The following ZC3H10 variants were observed in gnomAD, a reference collection of about 807,000 sequenced individuals.
The protein encoded by ZC3H10 is zinc finger CCCH-type containing 10.
In ZC3H10, 12 loss-of-function variants were observed where a neutral mutation model predicts 24.3. The ratio of observed to expected loss-of-function variants is 0.49; its 90% CI spans 0.32 to 0.80. The LOEUF is 0.80. Among genes scored for constraint, ZC3H10 ranks in the 30% least tolerant of loss-of-function variants. The pLI is 0.04. For synonymous variants in ZC3H10, 226 were observed against 217.0 expected (o/e 1.04, Z -0.36); for missense variants, 360 against 576.3 (o/e 0.62, Z 3.84).
At chr12:56,120,395 T>C (rs1869772876) in intron 2 of ZC3H10, 116 bp from the exon 3 acceptor site, 5 of 1,356,330 alleles carry the variant, frequency 3.7e-6, no homozygotes, top group Non-Finnish European at 2.8e-6. Flanking sequence ...AGAATTCTTA[T>C]CCCTTAGATT....
At position 56,120,543 on chromosome 12, in the gene ZC3H10, C is replaced by CT. The variant is rs1243226977; in HGVS notation, c.-19dup. ...CAAGAGTGGCAAGATAAAGAAAACC[C>CT]TGAGTTGGGCGGGACCAGGATGCCT... On this transcript the variant is annotated 5_prime_UTR_variant, in exon 3 of 3. Coordinates refer to ENST00000257940, the MANE Select transcript of ZC3H10 (RefSeq NM_032786.3). The CT allele has an allele frequency of 3.3e-6, 5 of 1,516,338 alleles. No individual in the cohort carries two copies. The East Asian group carries it at 1.1e-4, about 34-fold the overall frequency. 93.9% of individuals were successfully genotyped at this position (1,516,338 alleles called of 1,614,324 possible).
intron 2 of ZC3H10, chr12:56,120,120 A>G (rs1869765076): frequency 2.6e-6 from 2 of 757,384 alleles, no homozygotes; most frequent in Non-Finnish European, 3.2e-6. Flanking sequence ...CCCATCTTCT[A>G]CAGCCCTAGT....
Position 56,121,871 on chromosome 12 carries a change from G to A in ZC3H10, c.*4G>A, listed in dbSNP as rs1421753250. On this transcript the variant is annotated 3_prime_UTR_variant, in exon 3 of 3. Coordinates refer to ENST00000257940, the MANE Select transcript of ZC3H10 (RefSeq NM_032786.3). The surrounding 1 kb of genome is among the most constrained non-coding windows in gnomAD (Gnocchi z 6.2). Reference sequence around the variant, plus strand: ...CATCACGGCCATGCCACACTGATGGGGCTAATGGACACTCCCCTGGTATAG... The same window carrying A: ...CATCACGGCCATGCCACACTGATGGAGCTAATGGACACTCCCCTGGTATAG... 6.3e-7 allele frequency: 1 copy of A among 1,599,528 alleles called. No individual in the cohort carries two copies. The highest frequency in any genetic ancestry group is 8.5e-7 in the Non-Finnish European group (1 of 1,171,390).
At position 56,121,829 on chromosome 12, in the gene ZC3H10, G is replaced by A. The variant is rs750602132; in HGVS notation, c.1267G>A (p.Ala423Thr). 1.9e-6 allele frequency: 3 copies of A among 1,613,466 alleles called. No individual in the cohort carries two copies. The highest frequency in any genetic ancestry group is 2.5e-6 in the Non-Finnish European group (3 of 1,179,688). ...TTTPMVTYPI[A>T]SQSMRITAMP... ...CACTCCCATGGTGACTTACCCTATC[G>A]CTTCCCAGAGCATGCGCATCACGGC... The change falls in exon 3 of 3, where the codon GCT becomes ACT. Residue 423 changes from alanine (A) to threonine (T), a missense_variant. Ala to Thr is a moderately conservative substitution (Grantham distance 58, BLOSUM62 0). Coordinates refer to ENST00000257940, the MANE Select transcript of ZC3H10 (RefSeq NM_032786.3). The surrounding 1 kb of genome is among the most constrained non-coding windows in gnomAD (Gnocchi z 6.2).
Position 56,122,664 on chromosome 12 carries a change from G to C in ZC3H10, c.*797G>C, listed in dbSNP as rs1391119487. ...CAGAACAAGACCAAATGGGGCTTTG[G>C]GGAAGGCACTTTATGGGGTAAAAGC... On this transcript the variant is annotated 3_prime_UTR_variant, in exon 3 of 3. Transcript: ENST00000257940. 1 of 152,390 alleles carries C rather than the reference G, an allele frequency of 6.6e-6. No homozygotes were observed. Among genetic ancestry groups the C allele is most frequent in the Non-Finnish European group, 1.5e-5 (1 of 68,060 alleles). The allele number at this position is 152,390 out of a possible 1,614,324, so 9.4% of individuals were successfully genotyped here.
chr12:56,121,233 CAT>C lies in ZC3H10; in HGVS notation c.674_675del (p.Tyr225Ter). 1 of 1,613,616 alleles carries C rather than the reference CAT, an allele frequency of 6.2e-7. No homozygotes were observed. The highest frequency in any genetic ancestry group is 8.5e-7 in the Non-Finnish European group (1 of 1,180,030). ...CCCCCTGATGGCCCTCATTTTGAGT[CAT>C]ATGAATATAGTTTGGCTCCACCGCG... On this transcript the variant is annotated frameshift_variant, in exon 3 of 3. Transcript: ENST00000257940. LOFTEE classifies it high-confidence loss of function. The surrounding 1 kb of genome is among the most constrained non-coding windows in gnomAD (Gnocchi z 6.2).
rs1869853992 is a variant in ZC3H10, at chr12:56,121,872, G to A, written c.*5G>A. The A allele has an allele frequency of 6.3e-7, 1 of 1,598,346 alleles. No individual in the cohort carries two copies. ...ATCACGGCCATGCCACACTGATGGG[G>A]CTAATGGACACTCCCCTGGTATAGC... On this transcript the variant is annotated 3_prime_UTR_variant, in exon 3 of 3. Transcript: ENST00000257940. This position sits in a 1 kb window ranked among gnomAD's most constrained non-coding sequence, Gnocchi z 6.2.
Position 56,121,587 on chromosome 12 carries a change from C to G in ZC3H10, c.1025C>G (p.Pro342Arg). The G allele has an allele frequency of 6.2e-7, 1 of 1,614,000 alleles. No homozygotes were observed. The highest frequency in any genetic ancestry group is 2.2e-5 in the East Asian group (1 of 44,884). ...CCTGCTGGAGCTCCAGCTGCTCCCC[C>G]AACTAATGCTGCACCTCCTGCTGCT... ...VAPAGAPAAP[P>R]TNAAPPAAPP... The change falls in exon 3 of 3, where the codon CCA becomes CGA. Residue 342 changes from proline (P) to arginine (R), a missense_variant. Around this residue, in one of 3 missense-constraint regions of ZC3H10, gnomAD observed 133 missense variants for 256.7 expected, o/e 0.52. Coordinates refer to ENST00000257940, the MANE Select transcript of ZC3H10 (RefSeq NM_032786.3). This position sits in a 1 kb window ranked among gnomAD's most constrained non-coding sequence, Gnocchi z 6.2.
In ZC3H10 at chr12:56,121,708, C is replaced by T; in HGVS notation, c.1146C>T (p.Val382=). The T allele has an allele frequency of 6.2e-7, 1 of 1,614,132 alleles. No homozygotes were observed. The highest frequency in any genetic ancestry group is 8.5e-7 in the Non-Finnish European group (1 of 1,180,030). The change falls in exon 3 of 3, where the codon GTC becomes GTT. Residue 382 remains valine (V), a synonymous_variant. Coordinates refer to ENST00000257940, the MANE Select transcript of ZC3H10 (RefSeq NM_032786.3). This position sits in a 1 kb window ranked among gnomAD's most constrained non-coding sequence, Gnocchi z 6.2. ...TIAQGMAPPP[V]SMAPVAVSVA... ...CCCAGGGAATGGCACCTCCACCTGT[C>T]TCCATGGCTCCTGTGGCTGTATCTG...
rs1869960008 is a variant in ZC3H10 at position 56,125,277 on chromosome 12, G to A, written c.*3410G>A. 1 of 147,276 alleles carries A rather than the reference G, an allele frequency of 6.8e-6. No individual in the cohort carries two copies. The highest frequency in any genetic ancestry group is 2.5e-5 in the African/African-American group (1 of 39,908). 9.1% of individuals were successfully genotyped at this position (147,276 alleles called of 1,614,324 possible). A position where few individuals can be genotyped will look rare whatever the true frequency, so the allele number is the denominator to read the frequency against. On this transcript the variant is annotated 3_prime_UTR_variant, in exon 3 of 3. Coordinates refer to ENST00000257940, the MANE Select transcript of ZC3H10 (RefSeq NM_032786.3). ...TTTTGAGACGGAGTCTAGCTGTGTGGCCCAGGCTTCAGTGCAGTGGCACGA... is the reference window on the plus strand; with the variant it reads ...TTTTGAGACGGAGTCTAGCTGTGTGACCCAGGCTTCAGTGCAGTGGCACGA...
At position 56,121,465 on chromosome 12, in the gene ZC3H10, T is replaced by C; in HGVS notation, c.903T>C (p.Thr301=). 1.2e-6 allele frequency: 2 copies of C among 1,611,006 alleles called. No individual in the cohort carries two copies. The highest frequency in any genetic ancestry group is 4.5e-5 in the East Asian group (2 of 44,798). Residue 301 remains threonine (T), a synonymous_variant, in exon 3 of 3, where the codon ACT becomes ACC. Coordinates refer to ENST00000257940, the MANE Select transcript of ZC3H10 (RefSeq NM_032786.3). This position sits in a 1 kb window ranked among gnomAD's most constrained non-coding sequence, Gnocchi z 6.2. ...TEQTLAPTVG[T]VATFNHGIAQ... ...AGACTCTGGCCCCCACTGTGGGCAC[T>C]GTTGCCACTTTTAACCATGGCATTG...
At position 56,121,865 on chromosome 12, in the gene ZC3H10, T is replaced by C; in HGVS notation, c.1303T>C (p.Ter435ArgextTer3). ...CATGCGCATCACGGCCATGCCACACTGATGGGGCTAATGGACACTCCCCTG... is the reference window on the plus strand; with the variant it reads ...CATGCGCATCACGGCCATGCCACACCGATGGGGCTAATGGACACTCCCCTG... ...QSMRITAMPH[*>R] The change falls in exon 3 of 3, where the codon TGA becomes CGA. Residue 435 changes from the stop codon to arginine (R), a stop_lost. Coordinates refer to ENST00000257940, the MANE Select transcript of ZC3H10 (RefSeq NM_032786.3). The surrounding 1 kb of genome is among the most constrained non-coding windows in gnomAD (Gnocchi z 6.2). The C allele has an allele frequency of 6.2e-7, 1 of 1,604,708 alleles. No homozygotes were observed. The highest frequency in any genetic ancestry group is 8.5e-7 in the Non-Finnish European group (1 of 1,174,532).
At chr12:56,120,166 T>C in intron 2 of ZC3H10, 5 of 998,638 alleles carry the variant, frequency 5.0e-6, no homozygotes, top group Non-Finnish European at 4.8e-6. Context: ...ATTCCCAGTT[T>C]CCTTCCAGAC....
chr12:56,121,020 A>G lies in ZC3H10; in HGVS notation c.458A>G (p.Lys153Arg). 1 of 1,614,180 alleles carries G rather than the reference A, an allele frequency of 6.2e-7. No homozygotes were observed. The highest frequency in any genetic ancestry group is 8.5e-7 in the Non-Finnish European group (1 of 1,180,024). The change falls in exon 3 of 3, where the codon AAG (lysine) becomes AGG (arginine). Residue 153 changes from lysine to arginine, a missense_variant. Around this residue, in one of 3 missense-constraint regions of ZC3H10, gnomAD observed 126 missense variants for 208.8 expected, o/e 0.60. Coordinates refer to ENST00000257940, the MANE Select transcript of ZC3H10 (RefSeq NM_032786.3). This position sits in a 1 kb window ranked among gnomAD's most constrained non-coding sequence, Gnocchi z 6.2. ...FLKGDCQRGA[K>R]CKFRHLQRDF... The stretch of plus-strand genomic sequence containing the variant: ...AAGGGTGACTGTCAGAGAGGAGCCA[A>G]GTGCAAGTTCCGTCACCTGCAACGG...
At chr12:56,120,350 T>TGG in intron 2 of ZC3H10, 161 bp from the exon 3 acceptor site, 1 of 985,440 alleles carries the variant, frequency 1.0e-6, no homozygotes, top group Non-Finnish European at 1.2e-6. Flanking sequence ...CACAAAACCC[T>TGG]GGGAGGGGCT....
chr12:56,118,933 T>G (rs1869724137), intron 1 of ZC3H10, 155 bp from the exon 2 acceptor site: 1 of 152,678 alleles, frequency 6.5e-6, no homozygotes, highest in Non-Finnish European at 1.5e-5. Context: ...TACTGGCAAC[T>G]TCTCCCTTGG....
chr12:56,120,038 A>C, intron 2 of ZC3H10: 7 of 185,396 alleles, frequency 3.8e-5, no homozygotes, highest in Non-Finnish European at 7.1e-5. Context: ...CTTGGCTTCT[A>C]GAGATTTGAT....
In ZC3H10 at chr12:56,126,895, A is replaced by G. The variant is rs2136863186; in HGVS notation, c.*5028A>G. On this transcript the variant is annotated 3_prime_UTR_variant, in exon 3 of 3. Transcript: ENST00000257940. Reference sequence around the variant, plus strand: ...TAGAGGCTGAGCAGGGACAGGTTTTAAGCAGCTTTGGTAAACACAGGCTGA... The same window carrying G: ...TAGAGGCTGAGCAGGGACAGGTTTTGAGCAGCTTTGGTAAACACAGGCTGA... The G allele has an allele frequency of 6.6e-6, 1 of 152,292 alleles. No individual in the cohort carries two copies. The highest frequency in any genetic ancestry group is 2.1e-4 in the South Asian group (1 of 4,828). 9.4% of individuals were successfully genotyped at this position (152,292 alleles called of 1,614,324 possible). A position where few individuals can be genotyped will look rare whatever the true frequency, so the allele number is the denominator to read the frequency against.
rs1393987660 is a variant in ZC3H10 at position 56,122,673 on chromosome 12, C to T, written c.*806C>T. 6.6e-6 allele frequency: 1 copy of T among 152,436 alleles called. No individual in the cohort carries two copies. Among genetic ancestry groups the T allele is most frequent in the East Asian group, 1.9e-4 (1 of 5,184 alleles). The allele number at this position is 152,436 out of a possible 1,614,324, so 9.4% of individuals were successfully genotyped here. A position where few individuals can be genotyped will look rare whatever the true frequency, so the allele number is the denominator to read the frequency against. On this transcript the variant is annotated 3_prime_UTR_variant, in exon 3 of 3. Transcript: ENST00000257940. Reference sequence around the variant, plus strand: ...ACCAAATGGGGCTTTGGGGAAGGCACTTTATGGGGTAAAAGCTTTGGAGCC... The same window carrying T: ...ACCAAATGGGGCTTTGGGGAAGGCATTTTATGGGGTAAAAGCTTTGGAGCC...
Sources: allele counts gnomAD v4.1 joint callset, GRCh38; gene constraint gnomAD v4.1.1; regional missense constraint gnomAD v4.1.1; non-coding constraint Gnocchi (gnomAD v3.1); transcripts MANE v1.5; gene names NCBI Gene and HGNC (gene_info 2026-07-23, HGNC 2026-07-21).